The following MED13L variants were observed in gnomAD, a reference collection of about 807,000 sequenced individuals.
MED13L encodes mediator complex subunit 13L.
A neutral mutation model predicts 220.9 loss-of-function variants in MED13L; 7 were observed. The ratio of observed to expected loss-of-function variants is 0.03; its 90% CI spans 0.02 to 0.06. The LOEUF (loss-of-function observed/expected upper bound fraction) is 0.06. Among genes scored for constraint, MED13L ranks in the 10% least tolerant of loss-of-function variants. The pLI is 1.00. For synonymous variants in MED13L, 1,011 were observed against 1,015.2 expected, an observed-to-expected ratio of 1.00 and a Z score of 0.08; for missense variants, 1,965 against 2,760.5, an observed-to-expected ratio of 0.71 and a Z score of 6.46.
chr12:116,244,273 G>C (rs1169048852), intron 1 of MED13L, among the ~76,000 whole-genome samples: 1 of 152,116 alleles, frequency 6.6e-6, no homozygotes, highest in Non-Finnish European at 1.5e-5. Flanking sequence ...ACATGTAATA[G>C]AAAACTTCTG....
chr12:116,108,165 C>T (rs935310927), intron 3 of MED13L, among the ~76,000 whole-genome samples: 2 of 151,364 alleles, frequency 1.3e-5, no homozygotes, highest in Non-Finnish European at 2.9e-5. Flanking sequence ...ACAATATCCA[C>T]ATCTTATCTG....
chr12:116,069,350 T>TTAACAAAGGTAACAATG (rs1870197416), intron 4 of MED13L, among the ~76,000 whole-genome samples: 1 of 152,238 alleles, frequency 6.6e-6, no homozygotes, highest in Non-Finnish European at 1.5e-5. Context: ...TAGGTAAGTA[T>TTAACAAAGGTAACAATG]GTGGGTACCT....
At chr12:116,242,390 T>A (rs889102746) in intron 1 of MED13L, among the ~76,000 whole-genome samples, 2 of 152,168 alleles carry the variant, frequency 1.3e-5, no homozygotes, top group Non-Finnish European at 2.9e-5. Flanking sequence ...CAACACAAAA[T>A]TCTTTACCTA....
chr12:116,190,358 C>G (rs545572509), intron 2 of MED13L, among the ~76,000 whole-genome samples: 2 of 152,244 alleles, frequency 1.3e-5, no homozygotes, highest in African/African-American at 4.8e-5. Context: ...GATGTTTGAA[C>G]ATGACCTTCT....
rs77950912 is a variant in MED13L, at chr12:116,018,224, A to G, written c.1009+1000T>C. Among the ~76,000 whole-genome samples, 42 of 152,300 alleles carry G rather than the reference A, an allele frequency of 2.8e-4. No homozygotes were observed. In the East Asian group the frequency reaches 8.1e-3, roughly 29 times the overall value. ...CTACGAGAATTAAATAAGGTCACTC[A>G]CCTTGTAAACGATATAGCCAGGTTT... On this transcript the variant is annotated intron_variant, in intron 7 of 30. Coordinates refer to ENST00000281928, the MANE Select transcript of MED13L (RefSeq NM_015335.5).
intron 2 of MED13L, among the ~76,000 whole-genome samples, chr12:116,171,095 A>G (rs1356621653): frequency 6.6e-6 from 1 of 152,274 alleles, no homozygotes; most frequent in Non-Finnish European, 1.5e-5. Flanking sequence ...TAATGTCTTC[A>G]TATTTTATAA....
chr12:116,121,226 GAA>G (rs1875069386), intron 2 of MED13L, among the ~76,000 whole-genome samples: 2 of 152,036 alleles, frequency 1.3e-5, no homozygotes, highest in Non-Finnish European at 2.9e-5. Flanking sequence ...GTTTATAAAG[GAA>G]AAGTTTTAAA....
At chr12:116,212,537 CCAAA>C (rs1398281210) in intron 2 of MED13L, among the ~76,000 whole-genome samples, 7 of 151,784 alleles carry the variant, frequency 4.6e-5, no homozygotes, top group African/African-American at 9.7e-5. Flanking sequence ...TTTTTTAAGC[CCAAA>C]CAATTACAGA....
At chr12:115,998,453 C>T (rs771581196) in intron 14 of MED13L, among the ~76,000 whole-genome samples, 7 of 152,230 alleles carry the variant, frequency 4.6e-5, no homozygotes, top group Non-Finnish European at 8.8e-5. Context: ...GCTGTGCTCA[C>T]GGCTACCCAG....
chr12:116,148,617 A>C (rs762595257), intron 2 of MED13L: 19 of 198,448 alleles, frequency 9.6e-5, no homozygotes, highest in Admixed American at 4.6e-4. Flanking sequence ...ATCTATATAT[A>C]TATATATATA....
intron 23 of MED13L, among the ~76,000 whole-genome samples, chr12:115,976,122 T>C (rs1876921098): frequency 6.6e-6 from 1 of 152,166 alleles, no homozygotes; most frequent in Non-Finnish European, 1.5e-5. Flanking sequence ...GCAACAAGAA[T>C]TTTTATACAT....
chr12:116,045,450 G>A (rs937186320), intron 4 of MED13L, among the ~76,000 whole-genome samples: 1 of 152,066 alleles, frequency 6.6e-6, no homozygotes, highest in African/African-American at 2.4e-5. Flanking sequence ...TTCTAGATGG[G>A]GGTCTTTGGT....
intron 2 of MED13L, among the ~76,000 whole-genome samples, chr12:116,127,516 C>CT (rs1005055701): frequency 6.6e-6 from 1 of 152,124 alleles, no homozygotes; most frequent in African/African-American, 2.4e-5. Flanking sequence ...AGTTACTACT[C>CT]TAACTAAAAT....
At chr12:116,255,861 C>A (rs1871995536) in intron 1 of MED13L, among the ~76,000 whole-genome samples, 1 of 152,176 alleles carries the variant, frequency 6.6e-6, no homozygotes, top group African/African-American at 2.4e-5. Flanking sequence ...AAAATCAAAA[C>A]TTTTTGCATG....
intron 4 of MED13L, among the ~76,000 whole-genome samples, chr12:116,064,788 C>T (rs370933816): frequency 3.3e-5 from 5 of 152,290 alleles, no homozygotes; most frequent in African/African-American, 7.2e-5. Context: ...CACTGAGACT[C>T]GTCACACCAT....
intron 2 of MED13L, among the ~76,000 whole-genome samples, chr12:116,116,024 C>T (rs1262032299): frequency 6.6e-6 from 1 of 152,094 alleles, no homozygotes; most frequent in African/African-American, 2.4e-5. Flanking sequence ...TGACAATATC[C>T]CGTCGTAATA....
At chr12:115,993,037 C>G (rs1878167349) in intron 16 of MED13L, among the ~76,000 whole-genome samples, 1 of 150,676 alleles carries the variant, frequency 6.6e-6, no homozygotes, top group Admixed American at 6.6e-5. Flanking sequence ...CAAATCAAAA[C>G]AGTAAAGTAC....
chr12:116,129,637 G>A (rs991176779), intron 2 of MED13L, among the ~76,000 whole-genome samples: 1 of 152,098 alleles, frequency 6.6e-6, no homozygotes, highest in African/African-American at 2.4e-5. Flanking sequence ...GGCCGGGCAC[G>A]GTGGCTCACG....
At position 116,008,683 on chromosome 12, in the gene MED13L, G is replaced by C. The variant is rs1168381138; in HGVS notation, c.1730C>G (p.Pro577Arg). ...ETESLDPPSV[P>R]VNPALYGNGL... ...ATTTCCATAAAGGGCTGGATTCACA[G>C]GGACCGATGGTGGGTCCAAACTCTC... The change falls in exon 10 of 31, where the codon CCT becomes CGT. Residue 577 changes from proline (P) to arginine (R), a missense_variant. Pro to Arg is a moderately radical substitution (Grantham distance 103). Transcript: ENST00000281928. 1 of 1,613,956 alleles carries C rather than the reference G, an allele frequency of 6.2e-7. No individual in the cohort carries two copies. The highest frequency in any genetic ancestry group is 1.3e-5 in the African/African-American group (1 of 74,924).
Sources: gnomAD v4.1 joint callset for allele counts (sites outside exome capture counted in the v4.1 genomes callset) on GRCh38, gnomAD v4.1.1 for gene constraint, MANE v1.5 for transcripts, NCBI Gene and HGNC (gene_info 2026-07-23, HGNC 2026-07-21) for gene names.